The following DENND1A variants were observed in gnomAD, a reference collection of about 807,000 sequenced individuals.
The protein encoded by DENND1A is DENN domain containing 1A.
DENND1A carries 51 observed loss-of-function variants against 113.7 expected under a neutral mutation model. The observed-to-expected ratio is 0.45, with a 90% CI of 0.36 to 0.57. DENND1A has a LOEUF of 0.57. Among genes scored for constraint, DENND1A ranks in the 20% least tolerant of loss-of-function variants. The pLI, the probability that DENND1A is intolerant of heterozygous loss-of-function variation, is 0.00. For synonymous variants in DENND1A, 565 were observed against 570.8 expected, an observed-to-expected ratio of 0.99 and a Z score of 0.14; for missense variants, 1,258 against 1,395.9, an observed-to-expected ratio of 0.90 and a Z score of 1.57.
At chr9:123,801,812 T>C (rs556733895) in intron 2 of DENND1A, among the ~76,000 whole-genome samples, 1 of 152,260 alleles carries the variant, frequency 6.6e-6, no homozygotes, top group Non-Finnish European at 1.5e-5. Context: ...TAAATATAAA[T>C]CCCTAAACCT....
chr9:123,679,950 G>T (rs2064334327), intron 5 of DENND1A, among the ~76,000 whole-genome samples: 1 of 152,150 alleles, frequency 6.6e-6, no homozygotes, highest in South Asian at 2.1e-4. Context: ...GAGTACCACA[G>T]TTGGGACTAT....
intron 15 of DENND1A, among the ~76,000 whole-genome samples, chr9:123,456,544 C>T (rs1329481615): frequency 6.6e-6 from 1 of 152,186 alleles, no homozygotes; most frequent in African/African-American, 2.4e-5. Flanking sequence ...TATGGTGGCT[C>T]ACACACCTGT....
intron 13 of DENND1A, among the ~76,000 whole-genome samples, chr9:123,503,765 T>A (rs1407020938): frequency 6.6e-6 from 1 of 152,226 alleles, no homozygotes; most frequent in Admixed American, 6.5e-5. Context: ...GTGTTTCTAA[T>A]GACTAGAGCT....
At chr9:123,524,362 C>T (rs1312868912) in intron 13 of DENND1A, among the ~76,000 whole-genome samples, 3 of 152,164 alleles carry the variant, frequency 2.0e-5, no homozygotes, top group African/African-American at 2.4e-5. Flanking sequence ...GTTGGATGGT[C>T]GGGCTTATGA....
chr9:123,517,103 G>C (rs538115107), intron 13 of DENND1A, among the ~76,000 whole-genome samples: 1 of 150,694 alleles, frequency 6.6e-6, no homozygotes, highest in South Asian at 2.1e-4. Context: ...ACACAAAAAA[G>C]TTAGCCAGGC....
chr9:123,555,547 T>A (rs919575704), intron 13 of DENND1A, among the ~76,000 whole-genome samples: 3 of 152,186 alleles, frequency 2.0e-5, no homozygotes, highest in African/African-American at 7.2e-5. Flanking sequence ...TCCCAAACCT[T>A]ACTCATCAGA....
At chr9:123,490,840 T>G (rs1235518551) in intron 13 of DENND1A, among the ~76,000 whole-genome samples, 2 of 152,258 alleles carry the variant, frequency 1.3e-5, no homozygotes, top group Non-Finnish European at 2.9e-5. Flanking sequence ...TTGCGGCACA[T>G]CTCCCTTTGG....
chr9:123,838,581 A>T (rs1841383693), intron 2 of DENND1A, among the ~76,000 whole-genome samples: 1 of 152,218 alleles, frequency 6.6e-6, no homozygotes, highest in Non-Finnish European at 1.5e-5. Flanking sequence ...AAGAATCATT[A>T]GTAACAATAG....
chr9:123,754,457 A>G (rs943825934), intron 5 of DENND1A, among the ~76,000 whole-genome samples: 3 of 152,210 alleles, frequency 2.0e-5, no homozygotes, highest in East Asian at 1.9e-4. Context: ...CATAAAATTC[A>G]TGTTCCACAA....
intron 12 of DENND1A, among the ~76,000 whole-genome samples, chr9:123,570,033 G>T (rs1483183174): frequency 1.3e-5 from 2 of 152,058 alleles, no homozygotes; most frequent in Non-Finnish European, 2.9e-5. Flanking sequence ...CACACCCTAT[G>T]TTCTAGCCGT....
At chr9:123,868,460 C>T (rs1011622247) in intron 2 of DENND1A, among the ~76,000 whole-genome samples, 4 of 152,140 alleles carry the variant, frequency 2.6e-5, no homozygotes, top group African/African-American at 9.7e-5. Flanking sequence ...TTTCCATGTC[C>T]CATGCATGGT....
At chr9:123,421,979 C>G (rs1199582330) in intron 19 of DENND1A, among the ~76,000 whole-genome samples, 1 of 152,208 alleles carries the variant, frequency 6.6e-6, no homozygotes, top group Non-Finnish European at 1.5e-5. Context: ...CCTATAAGCC[C>G]TTCCCTCACT....
intron 12 of DENND1A, among the ~76,000 whole-genome samples, chr9:123,573,020 C>A (rs1004500735): frequency 6.6e-6 from 1 of 152,030 alleles, no homozygotes; most frequent in South Asian, 2.1e-4. Context: ...TCCAGTTGTT[C>A]CAGCACGTTT....
chr9:123,777,952 T>C (rs902079753), intron 3 of DENND1A, among the ~76,000 whole-genome samples: 5 of 152,052 alleles, frequency 3.3e-5, no homozygotes, highest in South Asian at 2.1e-4. Flanking sequence ...CAGATTCTGA[T>C]AGAAAGAATA....
chr9:123,453,035 C>T (rs758428783), intron 16 of DENND1A, among the ~76,000 whole-genome samples: 6 of 152,118 alleles, frequency 3.9e-5, no homozygotes, highest in Non-Finnish European at 4.4e-5. Context: ...AAGGCCTTCC[C>T]GCTCCTAAAA....
At chr9:123,671,712 C>T (rs1013298495) in intron 6 of DENND1A, among the ~76,000 whole-genome samples, 1 of 151,970 alleles carries the variant, frequency 6.6e-6, no homozygotes, top group East Asian at 1.9e-4. Context: ...GCTTACAGGG[C>T]GGGGGTGGTT....
Position 123,671,280 on chromosome 9 carries a change from G to A in DENND1A, c.453+11C>T, listed in dbSNP as rs576911926. The A allele has an allele frequency of 2.7e-5, 43 of 1,613,752 alleles. No individual in the cohort carries two copies. The highest frequency in any genetic ancestry group is 1.4e-4 in the South Asian group (13 of 91,036). On this transcript the variant is annotated intron_variant, in intron 7 of 23. Coordinates refer to ENST00000394215, the MANE Select transcript of DENND1A (RefSeq NM_001352964.2). ...CGTTTTCAGTGATGGCTAATACTCCGCCCCACTTACCACGCTGAGATGGAC... is the reference window on the plus strand; with the variant it reads ...CGTTTTCAGTGATGGCTAATACTCCACCCCACTTACCACGCTGAGATGGAC...
chr9:123,392,929 C>T (rs2042931410), intron 21 of DENND1A, among the ~76,000 whole-genome samples: 2 of 152,142 alleles, frequency 1.3e-5, no homozygotes, highest in African/African-American at 4.8e-5. Context: ...TTTTCCATTC[C>T]TGAGTTACTT....
At chr9:123,884,803 C>T (rs1848778848) in intron 1 of DENND1A, among the ~76,000 whole-genome samples, 1 of 152,084 alleles carries the variant, frequency 6.6e-6, no homozygotes, top group Non-Finnish European at 1.5e-5. Context: ...ACAAAATGAC[C>T]AAGCAGCAGA....
Sources: allele counts gnomAD v4.1 joint callset (sites outside exome capture counted in the v4.1 genomes callset), GRCh38; gene constraint gnomAD v4.1.1; transcripts MANE v1.5; gene names NCBI Gene and HGNC (gene_info 2026-07-23, HGNC 2026-07-21).